Variants in ZNF26 observed in about 807,000 individuals in gnomAD.
ZNF26 encodes zinc finger protein 26.
In ZNF26, 32 loss-of-function variants were observed where a neutral mutation model predicts 54.9. That is an observed-to-expected ratio of 0.58 (90% confidence interval 0.44 to 0.78). ZNF26 has a LOEUF of 0.78. Ranked by LOEUF, ZNF26 falls within the 30% of genes least tolerant of loss-of-function variation. The pLI is 0.00. For missense variants in ZNF26, 524 were observed against 634.0 expected (o/e 0.83, Z 1.86); for synonymous variants, 221 against 209.2 (o/e 1.06, Z -0.49).
Position 133,026,787 on chromosome 12 carries a change from A to G in ZNF26, c.*15306A>G, listed in dbSNP as rs961977972. 10 of 152,146 alleles carry G rather than the reference A, an allele frequency of 6.6e-5. No individual in the cohort carries two copies. Among genetic ancestry groups the G allele is most frequent in the African/African-American group, 2.2e-4 (9 of 41,412 alleles). The allele number at this position is 152,146 out of a possible 1,614,324, so 9.4% of individuals were successfully genotyped here. A position where few individuals can be genotyped will look rare whatever the true frequency, so the allele number is the denominator to read the frequency against. On this transcript the variant is annotated 3_prime_UTR_variant, in exon 4 of 4. Transcript: ENST00000328654. ...GGTGATCTGCCCGCCTTGGCCTCCC[A>G]AAGTGCTGGGATTACAGGCATGAGC... is the stretch of plus-strand genomic sequence containing the variant.
In ZNF26 at chr12:133,011,808, T is replaced by G. The variant is rs767554751; in HGVS notation, c.*327T>G. The G allele has an allele frequency of 0.02, 3,462 of 170,312 alleles. 59 individuals carry two copies. Among genetic ancestry groups the G allele is most frequent in the Non-Finnish European group, 0.025 (2,014 of 79,892 alleles). The allele number at this position is 170,312 out of a possible 1,614,324, so 10.6% of individuals were successfully genotyped here. ...CATTGAAAGTGTGTTCCATGGAAAG[T>G]CACATTCCAGATTTGAAGCTGTGTT... On this transcript the variant is annotated 3_prime_UTR_variant, in exon 4 of 4. Coordinates refer to ENST00000328654, the MANE Select transcript of ZNF26 (RefSeq NM_019591.4).
Position 133,015,353 on chromosome 12 carries a change from C to CA in ZNF26, c.*3889dup, listed in dbSNP as rs67278075. ...TGGGTGACAGAGTGAGACTCTGTCT[C>CA]AAAAAAAAAAAAAAAAAGAAAAGAA... On this transcript the variant is annotated 3_prime_UTR_variant, in exon 4 of 4. Transcript: ENST00000328654. The CA allele has an allele frequency of 0.28, 27,063 of 98,150 alleles. 3,850 individuals are homozygous for CA. Among genetic ancestry groups the CA allele is most frequent in the Non-Finnish European group, 0.33 (16,742 of 50,878 alleles). 6.1% of individuals were successfully genotyped at this position (98,150 alleles called of 1,614,324 possible).
intron 1 of ZNF26, among the ~76,000 whole-genome samples, chr12:132,988,905 T>C (rs894857991): frequency 4.6e-5 from 7 of 152,102 alleles, no homozygotes; most frequent in Non-Finnish European, 1.0e-4. Flanking sequence ...CTGTAAATGG[T>C]ATTGTGTTTT....
intron 1 of ZNF26, chr12:133,005,680 C>T (rs886976139): frequency 1.3e-5 from 2 of 152,078 alleles, no homozygotes; most frequent in African/African-American, 4.8e-5. Context: ...AGGGCAGGGC[C>T]CCTATGATGG....
In ZNF26 at chr12:133,010,605, G is replaced by A. The variant is rs1953449005; in HGVS notation, c.726G>A (p.Arg242=). Residue 242 remains arginine, a synonymous_variant, in exon 4 of 4, where the codon AGG becomes AGA. Transcript: ENST00000328654. ...CSECEKVFSF[R]SQLIVHQEIH... Reference sequence around the variant, plus strand: ...AGTGCGAGAAGGTCTTCTCTTTCAGGTCACAGCTCATTGTCCATCAGGAAA... The same window carrying A: ...AGTGCGAGAAGGTCTTCTCTTTCAGATCACAGCTCATTGTCCATCAGGAAA... 1 of 1,614,142 alleles carries A rather than the reference G, an allele frequency of 6.2e-7. No individual in the cohort carries two copies. The highest frequency in any genetic ancestry group is 2.2e-5 in the East Asian group (1 of 44,882).
chr12:132,997,716 T>C (rs1953118634), intron 1 of ZNF26, among the ~76,000 whole-genome samples: 1 of 152,224 alleles, frequency 6.6e-6, no homozygotes. Flanking sequence ...ATGACTTTGC[T>C]TGTCTCAGAT....
intron 3 of ZNF26, among the ~76,000 whole-genome samples, chr12:133,008,519 G>C (rs1274820641): frequency 1.3e-5 from 2 of 152,142 alleles, no homozygotes; most frequent in African/African-American, 4.8e-5. Flanking sequence ...GCTCATGCCT[G>C]TAATCCCAGC....
chr12:133,001,862 GT>G lies in ZNF26; in HGVS notation c.34-5177del. ...AGAGGAAAGCAGTTATTCGATCCTT[GT>G]TTACTTAAATTCTTAAGTACATGTC... On this transcript the variant is annotated intron_variant, in intron 1 of 3. Coordinates refer to ENST00000328654, the MANE Select transcript of ZNF26 (RefSeq NM_019591.4). This position sits in a 1 kb window ranked among gnomAD's most constrained non-coding sequence, Gnocchi z 4.7. The G allele has an allele frequency of 2.4e-6, 1 of 411,442 alleles. No homozygotes were observed. The highest frequency in any genetic ancestry group is 1.9e-5 in the South Asian group (1 of 51,542). The allele number at this position is 411,442 out of a possible 1,614,324, so 25.5% of individuals were successfully genotyped here.
rs1318890086 is a variant in ZNF26 at position 133,016,597 on chromosome 12, C to T, written c.*5116C>T. 1 of 148,758 alleles carries T rather than the reference C, an allele frequency of 6.7e-6. No individual in the cohort carries two copies. The highest frequency in any genetic ancestry group is 2.0e-4 in the East Asian group (1 of 5,062). The allele number at this position is 148,758 out of a possible 1,614,324, so 9.2% of individuals were successfully genotyped here. A position where few individuals can be genotyped will look rare whatever the true frequency, so the allele number is the denominator to read the frequency against. ...CTCAGGAATTTGAGACCAGTCTGGACAACAAAGCAAAACCCCATCTCTGAA... is the reference window on the plus strand; with the variant it reads ...CTCAGGAATTTGAGACCAGTCTGGATAACAAAGCAAAACCCCATCTCTGAA... On this transcript the variant is annotated 3_prime_UTR_variant, in exon 4 of 4. Transcript: ENST00000328654.
chr12:132,992,259 C>G (rs1298916066), intron 1 of ZNF26, among the ~76,000 whole-genome samples: 6 of 151,734 alleles, frequency 4.0e-5, no homozygotes, highest in Admixed American at 2.6e-4. Flanking sequence ...TTGAGAAAGA[C>G]TTTTTTTTAC....
At chr12:133,008,177 G>A (rs1345847618) in intron 3 of ZNF26, among the ~76,000 whole-genome samples, 1 of 152,192 alleles carries the variant, frequency 6.6e-6, no homozygotes, top group African/African-American at 2.4e-5. Flanking sequence ...TTACCTGCCT[G>A]TGGGAGCGCT....
At chr12:132,987,565 C>G (rs1952852013) in intron 1 of ZNF26, 1 of 288,410 alleles carries the variant, frequency 3.5e-6, no homozygotes, top group Non-Finnish European at 5.2e-6. Flanking sequence ...ATGTGGTGCT[C>G]TACCATTGAG....
chr12:133,003,058 G>A (rs1320584427), intron 1 of ZNF26, among the ~76,000 whole-genome samples: 1 of 152,092 alleles, frequency 6.6e-6, no homozygotes, highest in East Asian at 1.9e-4. Flanking sequence ...GCTGTTTACA[G>A]TTCACACCTC....
At chr12:132,996,478 GT>G (rs1953086862) in intron 1 of ZNF26, among the ~76,000 whole-genome samples, 1 of 152,200 alleles carries the variant, frequency 6.6e-6, no homozygotes, top group Admixed American at 6.5e-5. Context: ...GAATTTTCTA[GT>G]TGTAGCAGTA....
chr12:133,011,263 G>A lies in ZNF26; in HGVS notation c.1384G>A (p.Ala462Thr). The change falls in exon 4 of 4, where the codon GCC becomes ACC. Residue 462 changes from alanine (A) to threonine (T), a missense_variant. Transcript: ENST00000328654. ...CTATGAATGCAATGAATGTGAAAAA[G>A]CCTACCCTAGGAAGGCATCACTTCA... ...KPYECNECEK[A>T]YPRKASLQIH... The A allele has an allele frequency of 6.2e-7, 1 of 1,613,840 alleles. No homozygotes were observed. Among genetic ancestry groups the A allele is most frequent in the Middle Eastern group, 1.7e-4 (1 of 6,060 alleles).
intron 1 of ZNF26, among the ~76,000 whole-genome samples, chr12:133,002,702 C>T (rs1953245436): frequency 6.6e-6 from 1 of 151,964 alleles, no homozygotes; most frequent in South Asian, 2.1e-4. Flanking sequence ...CTACTCACTG[C>T]AACCTCCACC....
At chr12:132,989,028 ATTTTTTTT>A (rs150395603) in intron 1 of ZNF26, among the ~76,000 whole-genome samples, 6 of 78,826 alleles carry the variant, frequency 7.6e-5, no homozygotes, top group East Asian at 9.0e-4. Context: ...CTTTCGGTGA[ATTTTTTTT>A]TTTTTTTTTT....
rs1378690102 is a variant in ZNF26 at position 133,020,766 on chromosome 12, G to A, written c.*9285G>A. On this transcript the variant is annotated 3_prime_UTR_variant, in exon 4 of 4. Transcript: ENST00000328654. ...GAAATCAAGGCATTGACAGGTTTTG[G>A]TTCCTTCTGAGGGCTCTGAGGGAAG... 6 of 152,172 alleles carry A rather than the reference G, an allele frequency of 3.9e-5. No homozygotes were observed. The highest frequency in any genetic ancestry group is 1.4e-4 in the African/African-American group (6 of 41,450). The allele number at this position is 152,172 out of a possible 1,614,324, so 9.4% of individuals were successfully genotyped here.
Position 132,989,958 on chromosome 12 carries a change from TTTG to T in ZNF26, c.33+3094_33+3096del, listed in dbSNP as rs1276218912. 2.6e-5 allele frequency among the ~76,000 whole-genome samples: 4 copies of T among 152,250 alleles called. No individual in the cohort carries two copies. The East Asian group carries it at 5.8e-4, about 22-fold the overall frequency. On this transcript the variant is annotated intron_variant, in intron 1 of 3. Coordinates refer to ENST00000328654, the MANE Select transcript of ZNF26 (RefSeq NM_019591.4). ...CCTTGTTCCTAGTTTAGTGAGGGTT[TTTG>T]TTGTTGTTAATTGTGAATGGGGTTG...
Sources: gnomAD v4.1 joint callset for allele counts (sites outside exome capture counted in the v4.1 genomes callset) on GRCh38, gnomAD v4.1.1 for gene constraint, Gnocchi (gnomAD v3.1) non-coding constraint, MANE v1.5 for transcripts, NCBI Gene and HGNC (gene_info 2026-07-23, HGNC 2026-07-21) for gene names.